SYNE2: variants seen among roughly 807,000 people sequenced by gnomAD.
The protein encoded by SYNE2 is spectrin repeat containing nuclear envelope protein 2, also known as nesprin-2.
In SYNE2, 431 loss-of-function variants were observed where a neutral mutation model predicts 856.3. The observed-to-expected ratio is 0.50, with a 90% confidence interval of 0.47 to 0.55. SYNE2 has a LOEUF of 0.55. SYNE2 is among the 20% of genes least tolerant of loss of function. The pLI is 0.00. For missense variants in SYNE2, 8,129 were observed against 8,023.2 expected (o/e 1.01, Z -0.50); for synonymous variants, 2,923 against 2,872.3 (o/e 1.02, Z -0.56).
intron 84 of SYNE2, among the ~76,000 whole-genome samples, chr14:64,151,966 TG>T (rs2098247974): frequency 1.3e-5 from 2 of 152,222 alleles, no homozygotes; most frequent in African/African-American, 2.4e-5. Context: ...TTCAGACTGC[TG>T]GCCCCATGGT....
chr14:64,148,651 T>G (rs1275281406), intron 84 of SYNE2, among the ~76,000 whole-genome samples: 1 of 152,216 alleles, frequency 6.6e-6, no homozygotes, highest in Non-Finnish European at 1.5e-5. Context: ...CACATTTCCA[T>G]TAGCTCATTT....
chr14:63,948,901 A>G (rs1174634760), intron 6 of SYNE2, among the ~76,000 whole-genome samples: 1 of 149,496 alleles, frequency 6.7e-6, no homozygotes, highest in African/African-American at 2.5e-5. Flanking sequence ...GTGGTCAGAG[A>G]GCATACTCTG....
At position 64,098,735 on chromosome 14, in the gene SYNE2, T is replaced by C. The variant is rs373545394; in HGVS notation, c.12307-12T>C. 3 of 1,613,674 alleles carry C rather than the reference T, an allele frequency of 1.9e-6. No individual in the cohort carries two copies. The highest frequency in any genetic ancestry group is 2.2e-5 in the South Asian group (2 of 90,892). ...AAGCAGACTGCAGGTATTCTTGTGC[T>C]GTGCCTTTCAGTTGAACAGAAGAGG... is the stretch of plus-strand genomic sequence containing the variant. On this transcript the variant is annotated splice_polypyrimidine_tract_variant and intron_variant, in intron 62 of 115. Coordinates refer to ENST00000555002, the MANE Select transcript of SYNE2 (RefSeq NM_182914.3).
At chr14:63,940,480 G>T in intron 2 of SYNE2, 134 bp from the exon 3 acceptor site, 1 of 794,852 alleles carries the variant, frequency 1.3e-6, no homozygotes, top group South Asian at 1.5e-5. Flanking sequence ...CTACAGTTTA[G>T]ACTAAATCCT....
intron 7 of SYNE2, among the ~76,000 whole-genome samples, chr14:63,953,799 T>C (rs1287345519): frequency 6.6e-5 from 10 of 152,226 alleles, no homozygotes; most frequent in African/African-American, 2.4e-4. Context: ...CTCTATGAAT[T>C]TGACTACTCT....
intron 96 of SYNE2, among the ~76,000 whole-genome samples, chr14:64,185,949 A>G (rs1465401404): frequency 1.3e-5 from 2 of 152,250 alleles, no homozygotes; most frequent in Non-Finnish European, 2.9e-5. Flanking sequence ...TTAACCAAAA[A>G]TAATTCCCTG....
Position 64,097,901 on chromosome 14 carries a change from C to T in SYNE2, c.12109-48C>T, listed in dbSNP as rs987011878. On this transcript the variant is annotated intron_variant, in intron 61 of 115. Coordinates refer to ENST00000555002, the MANE Select transcript of SYNE2 (RefSeq NM_182914.3). ...AAGGAAGCAGGCTGCTCTGGGCCTG[C>T]AGAGGCCTCAGACTTCTCAAACCTA... The T allele has an allele frequency of 4.4e-6, 7 of 1,595,480 alleles. No individual in the cohort carries two copies. In the African/African-American group the frequency reaches 9.4e-5, roughly 21 times the overall value.
intron 2 of SYNE2, among the ~76,000 whole-genome samples, chr14:63,916,863 T>C (rs7150203): frequency 0.3 from 45,065 of 151,690 alleles, 9,250 homozygotes; most frequent in African/African-American, 0.59. Context: ...ATGGGAGTAC[T>C]GCTTGAGCCC....
intron 47 of SYNE2, 21 bp from the exon 48 acceptor site, chr14:64,051,536 C>A: frequency 2.5e-6 from 4 of 1,597,516 alleles, no homozygotes; most frequent in Non-Finnish European, 3.4e-6. Flanking sequence ...TTAACAAGCT[C>A]TATTTTTATT....
In SYNE2 at chr14:64,024,235, T is replaced by C. The variant is rs758682446; in HGVS notation, c.5638-22T>C. On this transcript the variant is annotated intron_variant, in intron 38 of 115. Coordinates refer to ENST00000555002, the MANE Select transcript of SYNE2 (RefSeq NM_182914.3). ...ATTCAGACTTGCCAGGAGATTGTAA[T>C]GGACTTTTTGTCTTTCTGAAGGATT... The C allele has an allele frequency of 5.6e-6, 9 of 1,612,234 alleles. No individual in the cohort carries two copies. The South Asian group carries it at 7.7e-5, about 14-fold the overall frequency.
intron 8 of SYNE2, among the ~76,000 whole-genome samples, chr14:63,955,998 C>G (rs2096237367): frequency 6.6e-6 from 1 of 152,168 alleles, no homozygotes; most frequent in South Asian, 2.1e-4. Context: ...GAATTGAATA[C>G]TAGAAGAATA....
chr14:63,948,734 G>A (rs868794480), intron 6 of SYNE2, among the ~76,000 whole-genome samples: 6,313 of 57,038 alleles, frequency 0.11, 552 homozygotes, highest in South Asian at 0.21. Context: ...ATATATATGT[G>A]TATAGATATG....
At chr14:63,994,055 C>T in intron 22 of SYNE2, 86 bp downstream of exon 22, 1 of 1,410,826 alleles carries the variant, frequency 7.1e-7, no homozygotes, top group Non-Finnish European at 1.0e-6. Context: ...CTGGGGTTTT[C>T]CTGTCTACGT....
At chr14:64,116,910 T>C (rs530946184) in intron 66 of SYNE2, among the ~76,000 whole-genome samples, 2 of 152,324 alleles carry the variant, frequency 1.3e-5, no homozygotes, top group South Asian at 2.1e-4. Context: ...TGAAAAAGTA[T>C]GTAATAGTTA....
intron 94 of SYNE2, among the ~76,000 whole-genome samples, chr14:64,173,211 G>A (rs973078837): frequency 3.9e-5 from 6 of 152,216 alleles, no homozygotes; most frequent in African/African-American, 7.2e-5. Flanking sequence ...TTGGAGTGTC[G>A]GTTTGTGAGT....
At chr14:64,171,556 G>T (rs2098410845) in intron 94 of SYNE2, among the ~76,000 whole-genome samples, 4 of 152,178 alleles carry the variant, frequency 2.6e-5, no homozygotes, top group Non-Finnish European at 5.9e-5. Flanking sequence ...ACCTGGGACT[G>T]AATGATGAGA....
intron 83 of SYNE2, among the ~76,000 whole-genome samples, chr14:64,145,763 G>T (rs2098179505): frequency 6.6e-6 from 1 of 152,076 alleles, no homozygotes; most frequent in Non-Finnish European, 1.5e-5. Context: ...TATATTAATA[G>T]ATGACACAAT....
Position 64,202,973 on chromosome 14 carries a change from T to C in SYNE2, c.18201+10T>C, listed in dbSNP as rs1185577349. The C allele has an allele frequency of 6.2e-7, 1 of 1,613,868 alleles. No homozygotes were observed. The highest frequency in any genetic ancestry group is 8.5e-7 in the Non-Finnish European group (1 of 1,180,020). The stretch of plus-strand genomic sequence containing the variant: ...GCTCGCTGAGCAGCAGGTGGGACAA[T>C]CAGAAATGAGCTCTTGCAAGAGTAC... On this transcript the variant is annotated intron_variant, in intron 100 of 115. Transcript: ENST00000555002.
chr14:63,964,985 C>T (rs1165809075), intron 10 of SYNE2, among the ~76,000 whole-genome samples: 5 of 128,518 alleles, frequency 3.9e-5, no homozygotes, highest in East Asian at 2.2e-4. Context: ...TTTTTTGAGG[C>T]GGAATCTTGC....
Sources: allele counts gnomAD v4.1 joint callset (sites outside exome capture counted in the v4.1 genomes callset), GRCh38; gene constraint gnomAD v4.1.1; transcripts MANE v1.5; gene names NCBI Gene and HGNC (gene_info 2026-07-23, HGNC 2026-07-21).